Variants in ASPH observed in about 807,000 individuals in gnomAD.
The protein encoded by ASPH is aspartate beta-hydroxylase.
A neutral mutation model predicts 118.4 loss-of-function variants in ASPH; 100 were observed. The ratio of observed to expected loss-of-function variants is 0.84; its 90% CI spans 0.72 to 1.00. The LOEUF (loss-of-function observed/expected upper bound fraction) is 1.00, where lower values mean the gene tolerates loss of function less well. Among genes scored for constraint, ASPH ranks in the 50% least tolerant of loss-of-function variants. The pLI is 0.00. For missense variants in ASPH, 920 were observed against 919.5 expected, an observed-to-expected ratio of 1.00 and a Z score of -0.01; for synonymous variants, 315 against 325.6, an observed-to-expected ratio of 0.97 and a Z score of 0.35.
At chr8:61,519,435 A>C (rs1812143100) in intron 22 of ASPH, among the ~76,000 whole-genome samples, 2 of 152,238 alleles carry the variant, frequency 1.3e-5, no homozygotes, top group African/African-American at 4.8e-5. Flanking sequence ...CATAACATTC[A>C]AATTCACGTT....
intron 14 of ASPH, among the ~76,000 whole-genome samples, chr8:61,604,899 A>T (rs1845110899): frequency 6.6e-6 from 1 of 152,242 alleles, no homozygotes; most frequent in African/African-American, 2.4e-5. Context: ...AGCAATTTAA[A>T]GCATACATGG....
At chr8:61,544,040 CT>C (rs1822921007) in intron 21 of ASPH, among the ~76,000 whole-genome samples, 1 of 152,160 alleles carries the variant, frequency 6.6e-6, no homozygotes, top group Admixed American at 6.5e-5. Context: ...TGACAATGCT[CT>C]GGGTATGGAA....
At chr8:61,583,245 A>T (rs1838149865) in intron 15 of ASPH, 1 of 83,638 alleles carries the variant, frequency 1.2e-5, no homozygotes, top group Admixed American at 1.4e-4. Flanking sequence ...ATGATACTTG[A>T]CAGTGTTATT....
intron 24 of ASPH, among the ~76,000 whole-genome samples, chr8:61,512,215 C>T (rs1191555188): frequency 6.6e-6 from 1 of 152,090 alleles, no homozygotes; most frequent in African/African-American, 2.4e-5. Flanking sequence ...CCCTTCCCTG[C>T]TAAAAACGAT....
chr8:61,696,633 A>G (rs1421133250), intron 1 of ASPH, among the ~76,000 whole-genome samples: 1 of 150,600 alleles, frequency 6.6e-6, no homozygotes, highest in Non-Finnish European at 1.5e-5. Context: ...CTCCCTACAG[A>G]GCACTCAATA....
At chr8:61,605,183 A>T (rs1158284843) in intron 14 of ASPH, among the ~76,000 whole-genome samples, 2 of 152,264 alleles carry the variant, frequency 1.3e-5, no homozygotes, top group Non-Finnish European at 2.9e-5. Flanking sequence ...GCACTTAAAG[A>T]CATTGGAATG....
intron 1 of ASPH, among the ~76,000 whole-genome samples, chr8:61,709,213 G>A (rs1404363581): frequency 6.6e-6 from 1 of 151,990 alleles, no homozygotes; most frequent in Non-Finnish European, 1.5e-5. Flanking sequence ...GAAAAACAAA[G>A]ATCAAATGCA....
At chr8:61,566,977 C>T (rs1200964131) in intron 17 of ASPH, among the ~76,000 whole-genome samples, 191 bp downstream of exon 17, 1 of 152,096 alleles carries the variant, frequency 6.6e-6, no homozygotes, top group Non-Finnish European at 1.5e-5. Flanking sequence ...GTGAGGCATG[C>T]CTCTATTAAG....
At chr8:61,546,102 G>T (rs1823759670) in intron 21 of ASPH, among the ~76,000 whole-genome samples, 1 of 152,152 alleles carries the variant, frequency 6.6e-6, no homozygotes, top group Admixed American at 6.5e-5. Flanking sequence ...GGCTGGGGTG[G>T]TAGCTCAGCA....
At chr8:61,511,008 A>G (rs1273073017) in intron 24 of ASPH, among the ~76,000 whole-genome samples, 1 of 152,190 alleles carries the variant, frequency 6.6e-6, no homozygotes, top group African/African-American at 2.4e-5. Context: ...ATGTGATTCA[A>G]AAATTTTAAG....
intron 15 of ASPH, among the ~76,000 whole-genome samples, chr8:61,577,399 C>CAAAAAAAAAAAAAAAAAAAAAAAAAAAA (rs775523503): frequency 4.3e-5 from 1 of 23,290 alleles, no homozygotes; most frequent in Non-Finnish European, 7.3e-5. Context: ...CCCAATCTCG[C>CAAAAAAAAAAAAAAAAAAAAAAAAAAAA]AAAAAAAAAA....
intron 10 of ASPH, among the ~76,000 whole-genome samples, chr8:61,639,498 T>A (rs1230671119): frequency 6.6e-6 from 1 of 152,144 alleles, no homozygotes; most frequent in African/African-American, 2.4e-5. Context: ...GTGACCATAC[T>A]CTCCCCTTTG....
intron 1 of ASPH, among the ~76,000 whole-genome samples, chr8:61,685,365 ATC>A (rs1182322088): frequency 6.6e-6 from 1 of 152,182 alleles, no homozygotes; most frequent in African/African-American, 2.4e-5. Context: ...AGGAATAATT[ATC>A]TGTTTTATAA....
Position 61,518,112 on chromosome 8 carries a change from C to T in ASPH, c.1912G>A (p.Glu638Lys), listed in dbSNP as rs1308825587. ...FTLWQQGRRN[E>K]NACKGAPKTC... is the part of the protein sequence containing the mutation. ...TTAGGAGCTCCTTTGCAGGCATTTT[C>T]ATTTCTTCTTCCTAGAATAAATAAC... The change falls in exon 23 of 25, where the codon GAA (glutamate) becomes AAA (lysine). Residue 638 changes from glutamate (E) to lysine (K), a missense_variant. By Grantham distance (56) the Glu-to-Lys change is moderately conservative. Transcript: ENST00000379454. The T allele has an allele frequency of 6.2e-7, 1 of 1,613,214 alleles. No homozygotes were observed. The highest frequency in any genetic ancestry group is 8.5e-7 in the Non-Finnish European group (1 of 1,179,322).
chr8:61,650,129 A>G (rs557591502), intron 5 of ASPH, among the ~76,000 whole-genome samples: 1 of 151,952 alleles, frequency 6.6e-6, no homozygotes, highest in African/African-American at 2.4e-5. Context: ...ATTTATTTAG[A>G]TTGGATTTTC....
intron 5 of ASPH, among the ~76,000 whole-genome samples, chr8:61,649,973 G>A (rs1407072391): frequency 2.0e-5 from 3 of 152,106 alleles, no homozygotes; most frequent in Non-Finnish European, 4.4e-5. Context: ...TCTGGGATAT[G>A]CCTTCTGCTT....
chr8:61,681,043 T>C lies in ASPH; in HGVS notation c.254-7A>G, dbSNP rs562809184. The C allele has an allele frequency of 2.5e-6, 4 of 1,587,462 alleles. No homozygotes were observed. The highest frequency in any genetic ancestry group is 2.7e-5 in the African/African-American group (2 of 73,856). ...TCATAGATTCCTAGTTTTCCTATAATAGGGCAGAAATGATGGATATGGGAA... is the reference window on the plus strand; with the variant it reads ...TCATAGATTCCTAGTTTTCCTATAACAGGGCAGAAATGATGGATATGGGAA... On this transcript the variant is annotated splice_polypyrimidine_tract_variant and splice_region_variant and intron_variant, in intron 2 of 24. Transcript: ENST00000379454.
intron 15 of ASPH, among the ~76,000 whole-genome samples, chr8:61,579,909 C>CA (rs35492301): frequency 0.071 from 3,502 of 49,054 alleles, 217 homozygotes; most frequent in African/African-American, 0.19. Flanking sequence ...CTGCCAATGT[C>CA]AAAAAAAAAA....
At chr8:61,605,868 T>A (rs1450577931) in intron 14 of ASPH, among the ~76,000 whole-genome samples, 2 of 152,204 alleles carry the variant, frequency 1.3e-5, no homozygotes, top group Non-Finnish European at 2.9e-5. Context: ...AATTTTAAAA[T>A]ATTCCTCATT....
Sources: gnomAD v4.1 joint callset for allele counts (sites outside exome capture counted in the v4.1 genomes callset) on GRCh38, gnomAD v4.1.1 for gene constraint, MANE v1.5 for transcripts, NCBI Gene and HGNC (gene_info 2026-07-23, HGNC 2026-07-21) for gene names.